The following CSNK1D variants were observed in gnomAD, a reference collection of about 807,000 sequenced individuals.
The protein encoded by CSNK1D is casein kinase I isoform delta.
CSNK1D carries 16 observed loss-of-function variants against 46.6 expected under a neutral mutation model. The ratio of observed to expected loss-of-function variants is 0.34; its 90% CI spans 0.23 to 0.52. CSNK1D has a LOEUF of 0.52. CSNK1D is among the 20% of genes least tolerant of loss of function. CSNK1D has a pLI of 0.95. For missense variants in CSNK1D, 398 were observed against 578.4 expected (o/e 0.69, Z 3.20); for synonymous variants, 276 against 228.2 (o/e 1.21, Z -1.89).
chr17:82,245,675 C>A, intron 8 of CSNK1D: 2 of 420,156 alleles, frequency 4.8e-6, no homozygotes, highest in South Asian at 4.5e-5. Context: ...CACGGGTGGG[C>A]ACCCAGGACA....
intron 2 of CSNK1D, among the ~76,000 whole-genome samples, chr17:82,258,093 G>T (rs1252558303): frequency 6.6e-6 from 1 of 151,446 alleles, no homozygotes; most frequent in African/African-American, 2.4e-5. Flanking sequence ...TACAGTCCCA[G>T]CTACTCGGGA....
rs1352831986 is a variant in CSNK1D, at chr17:82,244,154, C to T, written c.*627G>A. The T allele has an allele frequency of 1.2e-5, 12 of 1,006,936 alleles. No individual in the cohort carries two copies. Among genetic ancestry groups the T allele is most frequent in the South Asian group, 4.0e-5 (1 of 25,188 alleles). 62.4% of individuals were successfully genotyped at this position (1,006,936 alleles called of 1,614,324 possible). ...CACACACGGGCACACACACACACCA[C>T]GGACTTTTGATGAGAAATCTCCTCT... On this transcript the variant is annotated 3_prime_UTR_variant, in exon 9 of 9. Transcript: ENST00000314028.
rs535383255 is a variant in CSNK1D, at chr17:82,272,725, A to G, written c.76+581T>C. Among the ~76,000 whole-genome samples the G allele has an allele frequency of 2.0e-5, 3 of 152,152 alleles. No homozygotes were observed. In the South Asian group the frequency reaches 6.2e-4, roughly 32 times the overall value. ...CACACGGCATTTGGGTCTTTCTGAC[A>G]TTTTCCCCCACGAATGCAAGACACC... On this transcript the variant is annotated intron_variant, in intron 1 of 8. Coordinates refer to ENST00000314028, the MANE Select transcript of CSNK1D (RefSeq NM_001893.6).
chr17:82,239,819 C>T (rs1260936965), downstream of CSNK1D: 4 of 409,630 alleles, frequency 9.8e-6, no homozygotes, highest in Non-Finnish European at 1.7e-5. Context: ...TGGCAGTGTG[C>T]GTGGTGTGGT....
rs142947453 is a variant in CSNK1D, at chr17:82,250,650, C to T, written c.885+729G>A. On this transcript the variant is annotated intron_variant, in intron 6 of 8. Transcript: ENST00000314028. The surrounding 1 kb of genome is among the most constrained non-coding windows in gnomAD (Gnocchi z 4.6). ...GCACCCCTCCCAGCATCTGGAGACC[C>T]CGCCCCTCCCTGGCCCCTGCACGAC... 3.2e-3 allele frequency: 562 copies of T among 174,716 alleles called. 10 individuals carry two copies. Among genetic ancestry groups the T allele is most frequent in the Non-Finnish European group, 4.2e-3 (337 of 79,880 alleles). 10.8% of individuals were successfully genotyped at this position (174,716 alleles called of 1,614,324 possible).
At chr17:82,246,584 C>G (rs2050855607) in intron 8 of CSNK1D, 1 of 1,025,398 alleles carries the variant, frequency 9.8e-7, no homozygotes, top group Non-Finnish European at 1.2e-6. Flanking sequence ...ACACCAACAG[C>G]CCGAAAAGAG....
intron 8 of CSNK1D, chr17:82,246,376 C>G (rs2050850044): frequency 3.9e-6 from 5 of 1,267,954 alleles, no homozygotes; most frequent in Non-Finnish European, 5.0e-6. Flanking sequence ...AGGGCACAGC[C>G]TGAAGGCAGG....
intron 2 of CSNK1D, among the ~76,000 whole-genome samples, chr17:82,257,029 G>A (rs756233423): frequency 6.6e-6 from 1 of 152,086 alleles, no homozygotes. Flanking sequence ...GCACCATCTC[G>A]GCTCACGGCA....
chr17:82,273,146 C>T lies in CSNK1D; in HGVS notation c.76+160G>A, dbSNP rs1390793469. 1.4e-6 allele frequency: 1 copy of T among 720,860 alleles called. No homozygotes were observed. Among genetic ancestry groups the T allele is most frequent in the East Asian group, 2.8e-5 (1 of 35,214 alleles). The allele number at this position is 720,860 out of a possible 1,614,324, so 44.7% of individuals were successfully genotyped here. ...CCACTGCCCTCCCCACCCCTGGCCGCGCTAGCCTAGTGGCCGTTGGGTTCT... is the reference window on the plus strand; with the variant it reads ...CCACTGCCCTCCCCACCCCTGGCCGTGCTAGCCTAGTGGCCGTTGGGTTCT... On this transcript the variant is annotated intron_variant, in intron 1 of 8. Transcript: ENST00000314028. This position sits in a 1 kb window ranked among gnomAD's most constrained non-coding sequence, Gnocchi z 5.1.
intron 8 of CSNK1D, chr17:82,245,593 C>T: frequency 3.1e-6 from 1 of 326,000 alleles, no homozygotes; most frequent in Non-Finnish European, 6.0e-6. Context: ...GACACAGACG[C>T]CCCTCCAGGC....
Position 82,248,530 on chromosome 17 carries a change from A to G in CSNK1D, c.1197+345T>C. 1.5e-5 allele frequency: 17 copies of G among 1,146,348 alleles called. No homozygotes were observed. Among genetic ancestry groups the G allele is most frequent in the Non-Finnish European group, 1.8e-5 (17 of 925,216 alleles). 71.0% of individuals were successfully genotyped at this position (1,146,348 alleles called of 1,614,324 possible). A position where few individuals can be genotyped will look rare whatever the true frequency, so the allele number is the denominator to read the frequency against. Reference sequence around the variant, plus strand: ...CTCCCTCGGGCTGGGGGCACCCACAATGGGGCGCAAGCAGGCGAGCGGTGT... The same window carrying G: ...CTCCCTCGGGCTGGGGGCACCCACAGTGGGGCGCAAGCAGGCGAGCGGTGT... On this transcript the variant is annotated intron_variant, in intron 8 of 8. Transcript: ENST00000314028. The surrounding 1 kb of genome is among the most constrained non-coding windows in gnomAD (Gnocchi z 4.1).
At chr17:82,242,655 A>G, downstream of CSNK1D, 1 of 985,316 alleles carries the variant, frequency 1.0e-6, no homozygotes, top group Non-Finnish European at 1.2e-6. Context: ...CCACATGGAA[A>G]GGGGAGGGAA....
Position 82,244,271 on chromosome 17 carries a change from A to G in CSNK1D, c.*510T>C, listed in dbSNP as rs2050794820. ...CTCCCTGCCCGACTCCACCTCATAC[A>G]CTAACTCCAAGCCAGCCTGTCTCAG... On this transcript the variant is annotated 3_prime_UTR_variant, in exon 9 of 9. Coordinates refer to ENST00000314028, the MANE Select transcript of CSNK1D (RefSeq NM_001893.6). 9.1e-7 allele frequency: 1 copy of G among 1,104,476 alleles called. No individual in the cohort carries two copies. The allele number at this position is 1,104,476 out of a possible 1,614,324, so 68.4% of individuals were successfully genotyped here.
chr17:82,243,962 G>A lies in CSNK1D; in HGVS notation c.*819C>T. The A allele has an allele frequency of 1.0e-6, 1 of 985,788 alleles. No homozygotes were observed. Among genetic ancestry groups the A allele is most frequent in the Non-Finnish European group, 1.2e-6 (1 of 830,196 alleles). 61.1% of individuals were successfully genotyped at this position (985,788 alleles called of 1,614,324 possible). A position where few individuals can be genotyped will look rare whatever the true frequency, so the allele number is the denominator to read the frequency against. ...CTCAGCTGCCTGCCCACCTCCTGGG[G>A]AAGAAGCGCGCAGTGCTTTGCCTGG... On this transcript the variant is annotated 3_prime_UTR_variant, in exon 9 of 9. Transcript: ENST00000314028.
Position 82,265,795 on chromosome 17 carries a change from A to G in CSNK1D, c.78T>C (p.Gly26=), listed in dbSNP as rs2051453262. 5.0e-6 allele frequency: 8 copies of G among 1,613,604 alleles called. No homozygotes were observed. The highest frequency in any genetic ancestry group is 5.9e-6 in the Non-Finnish European group (7 of 1,179,500). ...CCTCTTCTCCTGCAGCAATGTCCGT[A>G]CCTTGGCAAAGAAAGAAAACCACAA... The part of the protein sequence containing the change: ...GSGSFGDIYL[G]TDIAAGEEVA... The change falls in exon 2 of 9, where the codon GGT becomes GGC. Residue 26 remains glycine, a splice_region_variant and synonymous_variant. Transcript: ENST00000314028.
At chr17:82,260,231 TGAGTGATGTGACTGATGGTATACC>T (rs1555793971) in intron 2 of CSNK1D, among the ~76,000 whole-genome samples, 2 of 149,716 alleles carry the variant, frequency 1.3e-5, no homozygotes, top group African/African-American at 5.0e-5. Context: ...GATGGTGTAC[TGAGTGATGTGACTGATGGTATACC>T]GAGTGATGTG....
At chr17:82,263,409 TA>T (rs1175759988) in intron 2 of CSNK1D, among the ~76,000 whole-genome samples, 1 of 152,220 alleles carries the variant, frequency 6.6e-6, no homozygotes, top group Non-Finnish European at 1.5e-5. Context: ...CAGGCTTCTT[TA>T]CTCTCTTAAG....
At chr17:82,245,086 G>A (rs913873932) in intron 8 of CSNK1D, 7 of 606,344 alleles carry the variant, frequency 1.2e-5, no homozygotes, top group South Asian at 1.9e-5. Flanking sequence ...CGGCAGGGTC[G>A]AAGGATCCGA....
At chr17:82,253,770 C>A (rs945086538) in intron 3 of CSNK1D, 1 of 318,750 alleles carries the variant, frequency 3.1e-6, no homozygotes, top group Non-Finnish European at 5.9e-6. Flanking sequence ...GTGAACTGAG[C>A]CGCCGGAGCC....
Sources: allele counts gnomAD v4.1 joint callset (sites outside exome capture counted in the v4.1 genomes callset), GRCh38; gene constraint gnomAD v4.1.1; non-coding constraint Gnocchi (gnomAD v3.1); transcripts MANE v1.5; gene names NCBI Gene and HGNC (gene_info 2026-07-23, HGNC 2026-07-21).